The following ZFP90 variants were observed in gnomAD, a reference collection of about 807,000 sequenced individuals.
ZFP90 encodes zinc finger protein 90 homolog.
In ZFP90, 38 loss-of-function variants were observed where a neutral mutation model predicts 60.8. The ratio of observed to expected loss-of-function variants is 0.62; its 90% CI spans 0.48 to 0.82. ZFP90 has a LOEUF of 0.82. Ranked by LOEUF, ZFP90 falls within the 40% of genes least tolerant of loss-of-function variation. The pLI, the probability that ZFP90 is intolerant of heterozygous loss-of-function variation, is 0.00. For missense variants in ZFP90, 711 were observed against 759.1 expected (o/e 0.94, Z 0.74); for synonymous variants, 287 against 264.8 (o/e 1.08, Z -0.82).
At position 68,560,537 on chromosome 16, in the gene ZFP90, T is replaced by TTGATTTTGTTTGTTTGTTTGTTTA. The variant is rs149308667; in HGVS notation, c.256+1970_256+1971insGATTTTGTTTGTTTGTTTGTTTAT. 4.3e-3 allele frequency among the ~76,000 whole-genome samples: 628 copies of TTGATTTTGTTTGTTTGTTTGTTTA among 147,228 alleles called. 3 individuals are homozygous for TTGATTTTGTTTGTTTGTTTGTTTA. The highest frequency in any genetic ancestry group is 0.015 in the African/African-American group (594 of 40,260). On this transcript the variant is annotated intron_variant, in intron 4 of 4. Transcript: ENST00000563169. ...TCATCAGTTGCTGAACCACACTGGA[T>TTGATTTTGTTTGTTTGTTTGTTTA]TTTATTTATTTATTTATTTATTTAT...
downstream of ZFP90, among the ~76,000 whole-genome samples, chr16:68,569,135 A>ATTT (rs2091553917): frequency 3.0e-5 from 2 of 67,520 alleles, no homozygotes; most frequent in Non-Finnish European, 3.1e-5. Flanking sequence ...AATTAGTCCC[A>ATTT]CTTTTTTTTT....
upstream of ZFP90, among the ~76,000 whole-genome samples, chr16:68,536,633 T>C (rs942764979): frequency 1.8e-4 from 28 of 152,150 alleles, 1 homozygote; most frequent in Admixed American, 1.5e-3. Flanking sequence ...CATACTCTTA[T>C]ATAGCCTGGG....
intron 2 of ZFP90, among the ~76,000 whole-genome samples, chr16:68,551,270 G>A (rs974403292): frequency 2.6e-5 from 4 of 152,080 alleles, no homozygotes; most frequent in African/African-American, 9.7e-5. Context: ...AGGATATTAT[G>A]CATTTATTCA....
intron 2 of ZFP90, among the ~76,000 whole-genome samples, chr16:68,534,148 C>G (rs539043295): frequency 1.3e-4 from 20 of 151,084 alleles, no homozygotes; most frequent in Non-Finnish European, 1.9e-4. Context: ...GATCGACCTT[C>G]TATTCACTAA....
upstream of ZFP90, among the ~76,000 whole-genome samples, chr16:68,536,438 T>C (rs144173528): frequency 5.1e-3 from 779 of 152,150 alleles, 18 homozygotes; most frequent in Admixed American, 0.046. Flanking sequence ...TCCCCAGTAG[T>C]TGGGGACTAC....
At chr16:68,538,000 C>T (rs971982474), upstream of ZFP90, among the ~76,000 whole-genome samples, 2 of 152,032 alleles carry the variant, frequency 1.3e-5, no homozygotes, top group Admixed American at 1.3e-4. Flanking sequence ...ACAACCTCTG[C>T]CTCCCAGATT....
chr16:68,557,451 A>G (rs576991246), intron 2 of ZFP90, among the ~76,000 whole-genome samples: 2 of 152,160 alleles, frequency 1.3e-5, no homozygotes, highest in Non-Finnish European at 1.5e-5. Flanking sequence ...TCTAGGATAC[A>G]TAGCTAAATC....
chr16:68,550,029 T>C (rs2091231545), intron 2 of ZFP90, among the ~76,000 whole-genome samples: 1 of 152,154 alleles, frequency 6.6e-6, no homozygotes, highest in Non-Finnish European at 1.5e-5. Context: ...CCTAGAACAA[T>C]GTAGAACGGT....
chr16:68,560,197 G>A (rs960156715), intron 4 of ZFP90, among the ~76,000 whole-genome samples: 1 of 152,132 alleles, frequency 6.6e-6, no homozygotes, highest in African/African-American at 2.4e-5. Flanking sequence ...CATATATTCA[G>A]ATAGTTGTAC....
At chr16:68,557,079 C>CTG in intron 2 of ZFP90, 1 of 413,506 alleles carries the variant, frequency 2.4e-6, no homozygotes, top group South Asian at 1.7e-5. Context: ...CCTCTGCCTC[C>CTG]TGTACTCAAG....
intron 2 of ZFP90, among the ~76,000 whole-genome samples, chr16:68,575,554 AAG>A (rs1555501064): frequency 1.4e-5 from 2 of 144,854 alleles, no homozygotes; most frequent in Admixed American, 6.8e-5. Context: ...AAAAAAAAAA[AAG>A]GCTAAAACAA....
chr16:68,562,798 A>G lies in ZFP90; in HGVS notation c.257-246A>G, dbSNP rs968848644. 1.0e-5 allele frequency: 8 copies of G among 779,842 alleles called. No homozygotes were observed. The Admixed American group carries it at 1.4e-4, about 14-fold the overall frequency. 48.3% of individuals were successfully genotyped at this position (779,842 alleles called of 1,614,324 possible). ...CACAGTCCTGCTCACTTATTTCCTT[A>G]TTTTCTAACCAACCCTCCTAGATGG... On this transcript the variant is annotated intron_variant, in intron 4 of 4. Transcript: ENST00000563169.
Position 68,574,879 on chromosome 16 carries a change from G to A in ZFP90, c.224-912G>A, listed in dbSNP as rs1005368981. ...GCAGAGGTTGCAGTGAGCAGAGATTGTGCCACTGGCATATGCCAGCCTGGG... is the reference window on the plus strand; with the variant it reads ...GCAGAGGTTGCAGTGAGCAGAGATTATGCCACTGGCATATGCCAGCCTGGG... On this transcript the variant is annotated intron_variant, in intron 2 of 2. Coordinates refer to the ZFP90 transcript ENST00000573113. 2.9e-5 allele frequency among the ~76,000 whole-genome samples: 4 copies of A among 136,900 alleles called. No homozygotes were observed. In the Admixed American group the frequency reaches 3.2e-4, roughly 11 times the overall value. 89.8% of individuals were successfully genotyped at this position (136,900 alleles called of 152,430 possible). A position where few individuals can be genotyped will look rare whatever the true frequency, so the allele number is the denominator to read the frequency against.
At chr16:68,546,540 G>A (rs572145434) in intron 2 of ZFP90, among the ~76,000 whole-genome samples, 3 of 152,134 alleles carry the variant, frequency 2.0e-5, no homozygotes, top group South Asian at 2.1e-4. Flanking sequence ...TTATTAAGAC[G>A]GATTCTTGCT....
intron 2 of ZFP90, chr16:68,554,989 G>A (rs1489504823): frequency 6.6e-6 from 1 of 152,092 alleles, no homozygotes; most frequent in African/African-American, 2.4e-5. Context: ...TATCCTTGCT[G>A]GCCATGCCTC....
upstream of ZFP90, among the ~76,000 whole-genome samples, chr16:68,534,840 G>C (rs1482385924): frequency 6.6e-6 from 1 of 152,012 alleles, no homozygotes; most frequent in East Asian, 2.0e-4. Context: ...CTGGGAGGCA[G>C]AGCTTGCAGT....
intron 4 of ZFP90, 89 bp downstream of exon 4, chr16:68,558,657 G>C: frequency 1.8e-6 from 2 of 1,130,626 alleles, no homozygotes; most frequent in East Asian, 4.8e-5. Context: ...GCTGGCTTGC[G>C]ATCTCCTAGA....
rs1162123110 is a variant in ZFP90 at position 68,564,824 on chromosome 16, A to T, written c.*126A>T. On this transcript the variant is annotated 3_prime_UTR_variant, in exon 5 of 5. Coordinates refer to ENST00000563169, the MANE Select transcript of ZFP90 (RefSeq NM_001305203.2). Reference sequence around the variant, plus strand: ...TGTGTTTATACGTTGTGTGTGGAGAAAACTGCCAGTAGACAGATTTTTTTT... The same window carrying T: ...TGTGTTTATACGTTGTGTGTGGAGATAACTGCCAGTAGACAGATTTTTTTT... 12 of 1,400,388 alleles carry T rather than the reference A, an allele frequency of 8.6e-6. No individual in the cohort carries two copies. The East Asian group carries it at 3.1e-4, about 36-fold the overall frequency. 86.7% of individuals were successfully genotyped at this position (1,400,388 alleles called of 1,614,324 possible). A position where few individuals can be genotyped will look rare whatever the true frequency, so the allele number is the denominator to read the frequency against.
chr16:68,544,213 C>T (rs1008405209), intron 2 of ZFP90, among the ~76,000 whole-genome samples: 6 of 152,120 alleles, frequency 3.9e-5, no homozygotes, highest in Non-Finnish European at 8.8e-5. Context: ...AGGCATTTGC[C>T]ATTCTTAAAG....
Sources: gnomAD v4.1 joint callset for allele counts (sites outside exome capture counted in the v4.1 genomes callset) on GRCh38, gnomAD v4.1.1 for gene constraint, MANE v1.5 for transcripts, NCBI Gene and HGNC (gene_info 2026-07-23, HGNC 2026-07-21) for gene names.